Variants in RBFOX1 observed in about 807,000 individuals in gnomAD.
RBFOX1 encodes the protein RNA binding fox-1 homolog 1.
RBFOX1 carries 8 observed loss-of-function variants against 57.7 expected under a neutral mutation model. The ratio of observed to expected loss-of-function variants is 0.14; its 90% CI spans 0.08 to 0.25. The LOEUF (loss-of-function observed/expected upper bound fraction) is 0.25. Among genes scored for constraint, RBFOX1 ranks in the 10% least tolerant of loss-of-function variants. The pLI is 1.00. For synonymous variants in RBFOX1, 326 were observed against 222.4 expected (o/e 1.47, Z -4.15); for missense variants, 611 against 548.5 (o/e 1.11, Z -1.14).
intron 3 of RBFOX1, among the ~76,000 whole-genome samples, chr16:6,771,404 C>G (rs1356391712): frequency 6.6e-6 from 1 of 152,008 alleles, no homozygotes; most frequent in Non-Finnish European, 1.5e-5. Flanking sequence ...AGTCAGCAGC[C>G]CTGGCAAGCT....
intron 11 of RBFOX1, among the ~76,000 whole-genome samples, chr16:7,632,134 C>G (rs1404528632): frequency 6.6e-6 from 1 of 152,158 alleles, no homozygotes; most frequent in Non-Finnish European, 1.5e-5. Flanking sequence ...GTCTCAAAGT[C>G]CTGACCTCAG....
At chr16:5,904,177 C>G (rs2058382331) in intron 4 of RBFOX1, among the ~76,000 whole-genome samples, 1 of 152,092 alleles carries the variant, frequency 6.6e-6, no homozygotes, top group Admixed American at 6.5e-5. Flanking sequence ...TGCACAAAGC[C>G]TCAACAGTGA....
At chr16:6,483,862 C>A in intron 2 of RBFOX1, 2 of 1,189,580 alleles carry the variant, frequency 1.7e-6, no homozygotes, top group Non-Finnish European at 2.1e-6. Context: ...CCGGGAAACC[C>A]AAACCGGAGA....
At chr16:5,856,604 T>TATATATATATATATATAG (rs776623035) in intron 3 of RBFOX1, among the ~76,000 whole-genome samples, 1 of 68,110 alleles carries the variant, frequency 1.5e-5, no homozygotes, top group South Asian at 6.0e-4. Flanking sequence ...TATATATATA[T>TATATATATATATATATAG]AATCTTAGCC....
intron 3 of RBFOX1, among the ~76,000 whole-genome samples, chr16:6,655,819 G>A (rs1237193161): frequency 2.0e-5 from 3 of 152,142 alleles, no homozygotes; most frequent in African/African-American, 7.2e-5. Context: ...ATTATTTCAA[G>A]CAGAGGTTTT....
In RBFOX1 at chr16:7,006,886, C is replaced by T. The variant is rs116386127; in HGVS notation, c.-15-45171C>T. Among the ~76,000 whole-genome samples, 1,457 of 152,326 alleles carry T rather than the reference C, an allele frequency of 9.6e-3. 30 individuals are homozygous for T. Among genetic ancestry groups the T allele is most frequent in the African/African-American group, 0.034 (1,396 of 41,566 alleles). The stretch of plus-strand genomic sequence containing the variant: ...GCCATTTTCTGTCTGAGCCTTTGTT[C>T]TGCCTTTAACATCACCTCCCCATAT... On this transcript the variant is annotated intron_variant, in intron 3 of 15. Coordinates refer to ENST00000550418, the MANE Select transcript of RBFOX1 (RefSeq NM_018723.4).
At chr16:6,857,799 C>T (rs1375873721) in intron 3 of RBFOX1, among the ~76,000 whole-genome samples, 2 of 152,152 alleles carry the variant, frequency 1.3e-5, no homozygotes, top group Non-Finnish European at 2.9e-5. Flanking sequence ...CCAGCTTTAG[C>T]CCAAGCAGTG....
intron 4 of RBFOX1, among the ~76,000 whole-genome samples, chr16:7,153,589 C>T (rs967348429): frequency 6.6e-6 from 1 of 151,522 alleles, no homozygotes; most frequent in Non-Finnish European, 1.5e-5. Flanking sequence ...CAAAAATTAG[C>T]CAGGCATGGT....
At position 5,996,664 on chromosome 16, in the gene RBFOX1, G is replaced by T. The variant is rs1290899687; in HGVS notation, c.351+129329G>T. Reference sequence around the variant, plus strand: ...GGCATTTACCACCTTGGGGCTTGAAGGGGTAAGAGAGAGAGCAGTTAAAGG... The same window carrying T: ...GGCATTTACCACCTTGGGGCTTGAATGGGTAAGAGAGAGAGCAGTTAAAGG... On this transcript the variant is annotated intron_variant, in intron 4 of 19. Coordinates refer to the RBFOX1 transcript ENST00000641259. Among the ~76,000 whole-genome samples the T allele has an allele frequency of 7.2e-5, 11 of 152,266 alleles. No homozygotes were observed. In the East Asian group the frequency reaches 2.1e-3, roughly 29 times the overall value.
At chr16:6,282,254 C>G (rs1168163615) in intron 1 of RBFOX1, among the ~76,000 whole-genome samples, 1 of 151,612 alleles carries the variant, frequency 6.6e-6, no homozygotes, top group African/African-American at 2.4e-5. Flanking sequence ...AGTGAAAAAT[C>G]TAAGGAAAAT....
chr16:7,045,435 G>C (rs1348680016), intron 3 of RBFOX1, among the ~76,000 whole-genome samples: 1 of 152,138 alleles, frequency 6.6e-6, no homozygotes, highest in East Asian at 1.9e-4. Context: ...TCCTTATTTG[G>C]CTTCATTTGA....
chr16:7,596,290 A>G (rs1236517549), intron 8 of RBFOX1, among the ~76,000 whole-genome samples: 2 of 151,866 alleles, frequency 1.3e-5, no homozygotes, highest in African/African-American at 4.8e-5. Flanking sequence ...CATAAATACC[A>G]AAATACTGAC....
intron 3 of RBFOX1, among the ~76,000 whole-genome samples, chr16:6,989,330 C>G (rs931517087): frequency 1.3e-5 from 2 of 152,130 alleles, no homozygotes; most frequent in Non-Finnish European, 2.9e-5. Context: ...GTGCTTCTCT[C>G]TGTCTATCTG....
intron 3 of RBFOX1, among the ~76,000 whole-genome samples, chr16:6,963,768 G>A (rs940244430): frequency 5.3e-5 from 8 of 151,750 alleles, no homozygotes; most frequent in African/African-American, 9.7e-5. Context: ...GCGCGATCTC[G>A]GCTCACTGCA....
chr16:5,641,111 C>G (rs7342801), intron 3 of RBFOX1, among the ~76,000 whole-genome samples: 1 of 149,934 alleles, frequency 6.7e-6, no homozygotes, highest in African/African-American at 2.5e-5. Context: ...CACATGCATA[C>G]ACACACATGC....
At chr16:7,001,706 C>G (rs62016447) in intron 3 of RBFOX1, among the ~76,000 whole-genome samples, 31,901 of 152,064 alleles carry the variant, frequency 0.21, 3,736 homozygotes, top group Middle Eastern at 0.33. Context: ...ATCCATCCTC[C>G]TTGGCCTCCC....
intron 11 of RBFOX1, 89 bp from the exon 12 acceptor site, chr16:7,653,726 G>A: frequency 1.3e-6 from 2 of 1,569,362 alleles, no homozygotes; most frequent in Admixed American, 1.7e-5. Context: ...CCCTGTGCAG[G>A]GACAAGGGTT....
intron 4 of RBFOX1, among the ~76,000 whole-genome samples, chr16:7,465,467 A>C (rs533205747): frequency 6.6e-6 from 1 of 152,212 alleles, no homozygotes; most frequent in East Asian, 1.9e-4. Flanking sequence ...CGTCATCTCT[A>C]CTTTCCTATA....
chr16:6,858,952 A>G (rs1054528112), intron 3 of RBFOX1, among the ~76,000 whole-genome samples: 9 of 151,454 alleles, frequency 5.9e-5, no homozygotes, highest in Admixed American at 4.6e-4. Flanking sequence ...TTCACTGTCA[A>G]TCAAAGGTAG....
Sources: allele counts gnomAD v4.1 joint callset (sites outside exome capture counted in the v4.1 genomes callset), GRCh38; gene constraint gnomAD v4.1.1; transcripts MANE v1.5; gene names NCBI Gene and HGNC (gene_info 2026-07-23, HGNC 2026-07-21).